Variants in DENND2A observed in about 807,000 individuals in gnomAD.
The protein encoded by DENND2A is DENN domain-containing protein 2A.
In DENND2A, 53 loss-of-function variants were observed where a neutral mutation model predicts 105.3. That is an observed-to-expected ratio of 0.50 (90% CI 0.40 to 0.63). The LOEUF is 0.63. DENND2A is among the 30% of genes least tolerant of loss of function. DENND2A has a pLI of 0.00. For missense variants in DENND2A, 1,138 were observed against 1,279.6 expected (o/e 0.89, Z 1.69); for synonymous variants, 522 against 508.4 (o/e 1.03, Z -0.36).
chr7:140,537,655 T>C (rs1796496703), intron 14 of DENND2A, among the ~76,000 whole-genome samples: 1 of 151,188 alleles, frequency 6.6e-6, no homozygotes. Context: ...AAGGTGTTTT[T>C]CATTTGTTTG....
chr7:140,611,844 T>A (rs539800232), intron 1 of DENND2A, among the ~76,000 whole-genome samples: 1 of 152,236 alleles, frequency 6.6e-6, no homozygotes, highest in South Asian at 2.1e-4. Context: ...TATTAATAGG[T>A]GAGGGTTTCT....
At chr7:140,622,069 C>T (rs921842129) in intron 1 of DENND2A, among the ~76,000 whole-genome samples, 2 of 152,090 alleles carry the variant, frequency 1.3e-5, no homozygotes, top group Admixed American at 1.3e-4. Context: ...AAAGCTGTTG[C>T]CAAGATGATA....
In DENND2A at chr7:140,534,230, A is replaced by G. The variant is rs550474874; in HGVS notation, c.2328-6735T>C. Among the ~76,000 whole-genome samples the G allele has an allele frequency of 2.1e-4, 32 of 151,974 alleles. No homozygotes were observed. In the East Asian group the frequency reaches 5.8e-3, roughly 28 times the overall value. On this transcript the variant is annotated intron_variant, in intron 14 of 19. Transcript: ENST00000496613. ...CTCCCGAGTTGCTGGGATTACAGGC[A>G]CGTGCCACCACGCCCAGCTAATTTT...
intron 12 of DENND2A, among the ~76,000 whole-genome samples, chr7:140,554,903 A>G (rs567644829): frequency 4.5e-4 from 69 of 152,288 alleles, no homozygotes; most frequent in African/African-American, 1.7e-3. Flanking sequence ...TCCCCCCTCC[A>G]CAAAACTGTT....
At chr7:140,534,215 G>A (rs1379279895) in intron 14 of DENND2A, among the ~76,000 whole-genome samples, 1 of 150,784 alleles carries the variant, frequency 6.6e-6, no homozygotes, top group Non-Finnish European at 1.5e-5. Flanking sequence ...CTCCCGAGTT[G>A]CTGGGATTAC....
intron 14 of DENND2A, among the ~76,000 whole-genome samples, chr7:140,534,732 G>A (rs1202274037): frequency 3.3e-5 from 5 of 152,162 alleles, no homozygotes; most frequent in African/African-American, 1.2e-4. Flanking sequence ...CTAGAGAAGA[G>A]GCAGTGTTTT....
intron 9 of DENND2A, among the ~76,000 whole-genome samples, chr7:140,564,692 G>A (rs1189231301): frequency 1.3e-5 from 2 of 152,190 alleles, no homozygotes. Flanking sequence ...TAATGTGGGT[G>A]ACTCCAGGCT....
At chr7:140,577,194 G>T (rs1043699969) in intron 5 of DENND2A, among the ~76,000 whole-genome samples, 2 of 152,134 alleles carry the variant, frequency 1.3e-5, no homozygotes, top group Admixed American at 1.3e-4. Flanking sequence ...ACTTAGCTGT[G>T]GGTGAGAGTA....
chr7:140,556,051 C>T (rs919396959), intron 11 of DENND2A, among the ~76,000 whole-genome samples: 1 of 152,138 alleles, frequency 6.6e-6, no homozygotes, highest in African/African-American at 2.4e-5. Context: ...TGGAGTCTCA[C>T]TCTGTCACCA....
chr7:140,544,665 G>A lies in DENND2A; in HGVS notation c.2280C>T (p.Ala760=). ...LSVRHLVCVF[A]SLLLERRVIF... ...TGACCCTCCTCTCCAGAAGCAGGGA[G>A]GCAAACACACAGACCAGGTGGCGGA... The change falls in exon 14 of 20, where the codon GCC becomes GCT. Residue 760 remains alanine, a synonymous_variant. Transcript: ENST00000496613. 6.2e-7 allele frequency: 1 copy of A among 1,614,128 alleles called. No individual in the cohort carries two copies. The highest frequency in any genetic ancestry group is 2.2e-5 in the East Asian group (1 of 44,876).
At chr7:140,613,561 G>A (rs1799977886) in intron 1 of DENND2A, among the ~76,000 whole-genome samples, 1 of 148,470 alleles carries the variant, frequency 6.7e-6, no homozygotes, top group Non-Finnish European at 1.5e-5. Context: ...AAAAGCTACT[G>A]CACTCTAGCC....
At position 140,585,251 on chromosome 7, in the gene DENND2A, T is replaced by A. The variant is rs115527264; in HGVS notation, c.1245+338A>T. On this transcript the variant is annotated intron_variant, in intron 5 of 19. Coordinates refer to ENST00000496613, the MANE Select transcript of DENND2A (RefSeq NM_015689.5). The stretch of plus-strand genomic sequence containing the variant: ...AAATGGCAAAATACTTTAAAACTAC[T>A]GTTCTACATCATGCCTTTCCGTCTT... 6.0e-3 allele frequency among the ~76,000 whole-genome samples: 913 copies of A among 152,322 alleles called. 6 individuals carry two copies. The highest frequency in any genetic ancestry group is 0.02 in the African/African-American group (847 of 41,568).
At chr7:140,549,555 C>T (rs1797034390) in intron 12 of DENND2A, among the ~76,000 whole-genome samples, 1 of 151,950 alleles carries the variant, frequency 6.6e-6, no homozygotes, top group South Asian at 2.1e-4. Context: ...GCCCGGCCCT[C>T]GAAATAGACA....
intron 1 of DENND2A, among the ~76,000 whole-genome samples, chr7:140,617,581 G>A (rs934821551): frequency 6.6e-6 from 1 of 152,024 alleles, no homozygotes; most frequent in African/African-American, 2.4e-5. Context: ...GGGTGTCGTC[G>A]TGGGCACCTG....
In DENND2A at chr7:140,531,807, C is replaced by T. The variant is rs1224637035; in HGVS notation, c.2328-4312G>A. On this transcript the variant is annotated intron_variant, in intron 14 of 19. Transcript: ENST00000496613. ...CCCAGGCTGGGCAACAAACGCGAAA[C>T]TCTGTCTCAAAGGAAAACAACAACA... is the stretch of plus-strand genomic sequence containing the variant. Among the ~76,000 whole-genome samples the T allele has an allele frequency of 2.3e-5, 3 of 131,138 alleles. No individual in the cohort carries two copies. In the Admixed American group the frequency reaches 2.5e-4, roughly 11 times the overall value. The allele number at this position is 131,138 out of a possible 152,430, so 86.0% of individuals were successfully genotyped here. A position where few individuals can be genotyped will look rare whatever the true frequency, so the allele number is the denominator to read the frequency against.
intron 11 of DENND2A, among the ~76,000 whole-genome samples, chr7:140,557,299 G>A (rs1009014996): frequency 1.3e-5 from 2 of 151,162 alleles, no homozygotes; most frequent in African/African-American, 4.9e-5. Flanking sequence ...CAGCTACTCG[G>A]GAGGCTGAGG....
chr7:140,609,338 C>A (rs1799805958), intron 1 of DENND2A, among the ~76,000 whole-genome samples: 1 of 151,574 alleles, frequency 6.6e-6, no homozygotes, highest in Non-Finnish European at 1.5e-5. Flanking sequence ...CATGGGGAAA[C>A]CCTGTCTCTA....
At position 140,559,065 on chromosome 7, in the gene DENND2A, T is replaced by C. The variant is rs1206523151; in HGVS notation, c.1889+643A>G. On this transcript the variant is annotated intron_variant, in intron 10 of 19. Transcript: ENST00000496613. This position sits in a 1 kb window ranked among gnomAD's most constrained non-coding sequence, Gnocchi z 4.1. ...GGTGCTGTCCTCAGGGAACTGAGCATGTGTGAGTGCAGTGACATCTGCTCA... is the reference window on the plus strand; with the variant it reads ...GGTGCTGTCCTCAGGGAACTGAGCACGTGTGAGTGCAGTGACATCTGCTCA... 1.3e-5 allele frequency among the ~76,000 whole-genome samples: 2 copies of C among 152,200 alleles called. No individual in the cohort carries two copies. Among genetic ancestry groups the C allele is most frequent in the Admixed American group, 6.5e-5 (1 of 15,276 alleles).
chr7:140,599,281 T>C (rs998250208), intron 3 of DENND2A, among the ~76,000 whole-genome samples: 1 of 151,942 alleles, frequency 6.6e-6, no homozygotes, highest in Non-Finnish European at 1.5e-5. Context: ...GAGGATGCAG[T>C]GAGCTGATAT....
Sources: allele counts gnomAD v4.1 joint callset (sites outside exome capture counted in the v4.1 genomes callset), GRCh38; gene constraint gnomAD v4.1.1; non-coding constraint Gnocchi (gnomAD v3.1); transcripts MANE v1.5; gene names NCBI Gene and HGNC (gene_info 2026-07-23, HGNC 2026-07-21).